Variants in STARD9 observed in about 807,000 individuals in gnomAD.
The protein encoded by STARD9 is stAR-related lipid transfer protein 9.
A neutral mutation model predicts 399.8 loss-of-function variants in STARD9; 346 were observed. The ratio of observed to expected loss-of-function variants is 0.87; its 90% CI spans 0.79 to 0.95. STARD9 has a LOEUF of 0.95. STARD9 is among the 40% of genes least tolerant of loss of function. The pLI is 0.00. For missense variants in STARD9, 5,832 were observed against 5,667.5 expected (o/e 1.03, Z -0.93); for synonymous variants, 2,203 against 2,143.5 (o/e 1.03, Z -0.77).
intron 3 of STARD9, among the ~76,000 whole-genome samples, chr15:42,629,025 C>CT (rs1166596464): frequency 2.0e-5 from 3 of 151,722 alleles, no homozygotes; most frequent in East Asian, 1.9e-4. Context: ...AGTTAAATTT[C>CT]TTTTTTTTCC....
intron 3 of STARD9, among the ~76,000 whole-genome samples, chr15:42,625,394 G>A (rs998510728): frequency 2.1e-5 from 3 of 145,674 alleles, no homozygotes; most frequent in African/African-American, 7.7e-5. Flanking sequence ...GCAGTGGCGC[G>A]ATCTCGGCTC....
chr15:42,607,651 T>TACACACACACACACACACAC (rs10655556), intron 3 of STARD9, among the ~76,000 whole-genome samples: 1 of 143,668 alleles, frequency 7.0e-6, no homozygotes, highest in African/African-American at 2.6e-5. Flanking sequence ...CACACACTTA[T>TACACACACACACACACACAC]ACACACACAC....
At chr15:42,696,862 C>A (rs61192504) in intron 26 of STARD9, among the ~76,000 whole-genome samples, 6,215 of 152,106 alleles carry the variant, frequency 0.041, 369 homozygotes, top group African/African-American at 0.13. Flanking sequence ...GAGGGAGAAC[C>A]AGGTTTTGTG....
At chr15:42,669,095 AC>A in intron 15 of STARD9, 62 bp from the exon 16 acceptor site, 1 of 1,349,976 alleles carries the variant, frequency 7.4e-7, no homozygotes, top group South Asian at 1.4e-5. Flanking sequence ...GATTGTAATG[AC>A]TTCTGACCTT....
At chr15:42,627,144 A>C (rs2059242705) in intron 3 of STARD9, among the ~76,000 whole-genome samples, 1 of 152,146 alleles carries the variant, frequency 6.6e-6, no homozygotes, top group African/African-American at 2.4e-5. Context: ...AAAAATACAA[A>C]AATTAGCTGG....
intron 26 of STARD9, among the ~76,000 whole-genome samples, chr15:42,705,441 T>C (rs1222056108): frequency 2.0e-5 from 3 of 152,104 alleles, no homozygotes; most frequent in African/African-American, 7.2e-5. Flanking sequence ...CTGTTGTTTG[T>C]TTATTTTTTT....
chr15:42,589,721 C>G (rs911238223), intron 3 of STARD9, among the ~76,000 whole-genome samples: 1 of 151,908 alleles, frequency 6.6e-6, no homozygotes, highest in African/African-American at 2.4e-5. Flanking sequence ...ATTCTCTGGC[C>G]TCAGCCTCCT....
intron 3 of STARD9, among the ~76,000 whole-genome samples, chr15:42,593,654 C>CTT (rs71108170): frequency 0.048 from 3,216 of 66,946 alleles, 944 homozygotes; most frequent in Non-Finnish European, 0.06. Context: ...GGTTGTGCTT[C>CTT]TTTTTTTTTT....
rs536667812 is a variant in STARD9, at chr15:42,601,346, C to T, written c.234+15709C>T. 1.9e-4 allele frequency among the ~76,000 whole-genome samples: 29 copies of T among 152,322 alleles called. No individual in the cohort carries two copies. In the South Asian group the frequency reaches 5.2e-3, roughly 27 times the overall value. On this transcript the variant is annotated intron_variant, in intron 3 of 32. Transcript: ENST00000290607. ...CTTTTCTATTCGACAAAACCGCCAT[C>T]GTCATCATGGCCCATTCTCAGTGAG...
chr15:42,653,939 TGAAAG>T (rs1450582644), intron 9 of STARD9, among the ~76,000 whole-genome samples: 1 of 152,038 alleles, frequency 6.6e-6, no homozygotes, highest in East Asian at 1.9e-4. Context: ...ACAAGGGAAA[TGAAAG>T]GAGATATATT....
At chr15:42,667,048 CAG>C (rs2060116181) in intron 15 of STARD9, among the ~76,000 whole-genome samples, 1 of 152,066 alleles carries the variant, frequency 6.6e-6, no homozygotes, top group African/African-American at 2.4e-5. Context: ...CTCCTGGCCT[CAG>C]GTAATCCACC....
At chr15:42,663,534 C>G (rs1376528531) in intron 12 of STARD9, 44 bp downstream of exon 12, 1 of 1,489,432 alleles carries the variant, frequency 6.7e-7, no homozygotes, top group Non-Finnish European at 9.0e-7. Flanking sequence ...GACTGGTACT[C>G]TATCTCAGAG....
chr15:42,710,100 C>T (rs1195707346), intron 26 of STARD9, among the ~76,000 whole-genome samples: 1 of 145,240 alleles, frequency 6.9e-6, no homozygotes, highest in Non-Finnish European at 1.5e-5. Flanking sequence ...TGCCGTGTTG[C>T]CCAGGCTAGA....
At chr15:42,657,549 A>C (rs1001907409) in intron 9 of STARD9, among the ~76,000 whole-genome samples, 9 of 152,202 alleles carry the variant, frequency 5.9e-5, no homozygotes, top group African/African-American at 2.2e-4. Flanking sequence ...CAATGGTTGG[A>C]TATTTCAGTA....
chr15:42,660,565 CA>C (rs1230698735), intron 9 of STARD9, among the ~76,000 whole-genome samples: 10 of 50,532 alleles, frequency 2.0e-4, no homozygotes, highest in East Asian at 6.0e-4. Context: ...AACTCCGGCT[CA>C]AAAAAAAAAC....
chr15:42,603,432 A>G (rs541202680), intron 3 of STARD9, among the ~76,000 whole-genome samples: 3 of 152,228 alleles, frequency 2.0e-5, no homozygotes, highest in African/African-American at 7.2e-5. Context: ...ACATTTTAGA[A>G]TTGTGAGCAG....
At position 42,685,049 on chromosome 15, in the gene STARD9, A is replaced by C. The variant is rs984161522; in HGVS notation, c.3471A>C (p.Gln1157His). The stretch of plus-strand genomic sequence containing the variant: ...ACTCACTGGCTGAGAAGAGGTACCA[A>C]AGCCCCAAAAACAGGCTAGGGGGCA... Reference protein sequence around the residue: ...SEDSLAEKRYQSPKNRLGGNR... With the variant: ...SEDSLAEKRYHSPKNRLGGNR... Residue 1157 changes from glutamine (Q) to histidine (H), a missense_variant, in exon 23 of 33, where the codon CAA (glutamine) becomes CAC (histidine). Coordinates refer to ENST00000290607, the MANE Select transcript of STARD9 (RefSeq NM_020759.3). The C allele has an allele frequency of 3.7e-5, 57 of 1,537,122 alleles. No homozygotes were observed. Among genetic ancestry groups the C allele is most frequent in the Non-Finnish European group, 4.9e-5 (56 of 1,146,942 alleles).
chr15:42,678,943 T>C (rs1298046241), intron 20 of STARD9, among the ~76,000 whole-genome samples: 1 of 152,206 alleles, frequency 6.6e-6, no homozygotes, highest in Non-Finnish European at 1.5e-5. Context: ...TCTATACAGA[T>C]GGCAGCAGAC....
intron 9 of STARD9, among the ~76,000 whole-genome samples, chr15:42,659,149 A>G (rs1208999969): frequency 6.6e-6 from 1 of 152,140 alleles, no homozygotes; most frequent in East Asian, 1.9e-4. Flanking sequence ...GAAAGAAGGA[A>G]AAGCAACAGA....
Sources: allele counts gnomAD v4.1 joint callset (sites outside exome capture counted in the v4.1 genomes callset), GRCh38; gene constraint gnomAD v4.1.1; transcripts MANE v1.5; gene names NCBI Gene and HGNC (gene_info 2026-07-23, HGNC 2026-07-21).